Variants in DLGAP4 observed in about 807,000 individuals in gnomAD.
DLGAP4 encodes DLG associated protein 4, also known as disks large-associated protein 4.
Under a neutral mutation model 86.9 loss-of-function variants are expected in DLGAP4, and 18 were observed. The ratio of observed to expected loss-of-function variants is 0.21; its 90% CI spans 0.14 to 0.31. The LOEUF (loss-of-function observed/expected upper bound fraction) is 0.31, where lower values mean the gene tolerates loss of function less well. Ranked by LOEUF, DLGAP4 falls within the 10% of genes least tolerant of loss-of-function variation. The pLI is 1.00. For synonymous variants in DLGAP4, 548 were observed against 574.3 expected, an observed-to-expected ratio of 0.95 and a Z score of 0.65; for missense variants, 1,085 against 1,362.6, an observed-to-expected ratio of 0.80 and a Z score of 3.21.
At chr20:36,452,211 A>G (rs1387531072) in intron 7 of DLGAP4, among the ~76,000 whole-genome samples, 1 of 151,522 alleles carries the variant, frequency 6.6e-6, no homozygotes, top group Non-Finnish European at 1.5e-5. Context: ...CAGGATCTCC[A>G]TGTGTCACCC....
At chr20:36,341,548 G>A (rs1346502436) in intron 1 of DLGAP4, among the ~76,000 whole-genome samples, 3 of 152,238 alleles carry the variant, frequency 2.0e-5, no homozygotes, top group Non-Finnish European at 2.9e-5. Context: ...AGAGAGGTGC[G>A]GTTTCCATCC....
At chr20:36,497,509 C>T in intron 8 of DLGAP4, 1 of 998,884 alleles carries the variant, frequency 1.0e-6, no homozygotes, top group Non-Finnish European at 1.2e-6. Flanking sequence ...AGCATAGACG[C>T]TGTTGGGCCA....
At chr20:36,365,830 A>G (rs1463896003) in intron 1 of DLGAP4, among the ~76,000 whole-genome samples, 2 of 152,162 alleles carry the variant, frequency 1.3e-5, no homozygotes, top group Non-Finnish European at 2.9e-5. Flanking sequence ...TATTCCTCCC[A>G]TCCCAGAGCC....
intron 1 of DLGAP4, among the ~76,000 whole-genome samples, chr20:36,340,887 AGCT>A (rs2065373010): frequency 2.6e-5 from 4 of 152,182 alleles, no homozygotes; most frequent in Non-Finnish European, 4.4e-5. Flanking sequence ...CACCACTCGT[AGCT>A]TTGAGTCAGC....
intron 7 of DLGAP4, among the ~76,000 whole-genome samples, chr20:36,456,891 C>G (rs1026969465): frequency 5.3e-5 from 8 of 152,210 alleles, no homozygotes; most frequent in Non-Finnish European, 1.2e-4. Flanking sequence ...TTAAATAGAA[C>G]CTTGGAGGCC....
chr20:36,478,407 A>C (rs1314290842), intron 7 of DLGAP4, among the ~76,000 whole-genome samples: 1 of 152,236 alleles, frequency 6.6e-6, no homozygotes, highest in African/African-American at 2.4e-5. Flanking sequence ...TTGATGTCAC[A>C]GGTCTCTTTG....
chr20:36,321,839 C>A (rs1555890582), intron 1 of DLGAP4, among the ~76,000 whole-genome samples: 1 of 152,066 alleles, frequency 6.6e-6, no homozygotes. Context: ...ATATACAGAT[C>A]CCCCTCGATC....
At chr20:36,371,378 C>CCCTTTGGGGTGACT (rs2030927524) in intron 2 of DLGAP4, among the ~76,000 whole-genome samples, 1 of 152,220 alleles carries the variant, frequency 6.6e-6, no homozygotes, top group African/African-American at 2.4e-5. Flanking sequence ...ATTATACAGT[C>CCCTTTGGGGTGACT]ACCCAAAGAC....
chr20:36,517,882 A>G (rs2037138077), intron 10 of DLGAP4, among the ~76,000 whole-genome samples: 1 of 152,132 alleles, frequency 6.6e-6, no homozygotes, highest in South Asian at 2.1e-4. Flanking sequence ...CTCTAGCTTC[A>G]AAAATCAGTG....
intron 7 of DLGAP4, among the ~76,000 whole-genome samples, chr20:36,462,938 C>G (rs1356646939): frequency 7.2e-6 from 1 of 139,860 alleles, no homozygotes; most frequent in Admixed American, 8.2e-5. Flanking sequence ...ATCATTTGGA[C>G]GTTTATTTAG....
chr20:36,462,083 CA>C (rs1265247648), intron 7 of DLGAP4: 23 of 992,444 alleles, frequency 2.3e-5, no homozygotes, highest in Non-Finnish European at 2.8e-5. Flanking sequence ...TTCTGCACCC[CA>C]AGTCGCTGGG....
chr20:36,519,708 C>T (rs2037258124), intron 10 of DLGAP4, among the ~76,000 whole-genome samples: 1 of 152,200 alleles, frequency 6.6e-6, no homozygotes, highest in South Asian at 2.1e-4. Flanking sequence ...ATATTCCTAC[C>T]AGTAATGCAC....
intron 2 of DLGAP4, among the ~76,000 whole-genome samples, chr20:36,406,978 G>A (rs924170896): frequency 6.6e-6 from 1 of 152,100 alleles, no homozygotes; most frequent in African/African-American, 2.4e-5. Context: ...GGGGTGTAGG[G>A]GACAGCGGGA....
At chr20:36,503,479 CTTTTTTTTTTTT>C (rs982287997) in intron 10 of DLGAP4, among the ~76,000 whole-genome samples, 3 of 109,906 alleles carry the variant, frequency 2.7e-5, no homozygotes, top group Non-Finnish European at 5.2e-5. Flanking sequence ...CATATATGGC[CTTTTTTTTTTTT>C]TTTTTTTTTT....
Position 36,430,462 on chromosome 20 carries a change from A to G in DLGAP4, c.-72-1184A>G, listed in dbSNP as rs576746570. ...GACATAGGAATTCCTCTGTTAAACA[A>G]TTGGACGGTACTGCCCTCAGACCTG... On this transcript the variant is annotated intron_variant, in intron 2 of 12. Transcript: ENST00000339266. Among the ~76,000 whole-genome samples the G allele has an allele frequency of 4.1e-4, 62 of 152,034 alleles. 1 individual carries two copies. In the South Asian group the frequency reaches 0.012, roughly 30 times the overall value.
rs189510034 is a variant in DLGAP4 at position 36,525,423 on chromosome 20, T to C, written c.2605-428T>C. The C allele has an allele frequency of 1.3e-3, 311 of 237,542 alleles. 1 individual carries two copies. The highest frequency in any genetic ancestry group is 6.7e-3 in the African/African-American group (303 of 45,222). 14.7% of individuals were successfully genotyped at this position (237,542 alleles called of 1,614,324 possible). ...GGAGTGAGTGTTTGTCTCCAAGACCTACAGAGACTTGGGGGTTGCGTTGTC... is the reference window on the plus strand; with the variant it reads ...GGAGTGAGTGTTTGTCTCCAAGACCCACAGAGACTTGGGGGTTGCGTTGTC... On this transcript the variant is annotated intron_variant, in intron 11 of 12. Transcript: ENST00000339266.
At chr20:36,373,342 C>G (rs1050527893) in intron 2 of DLGAP4, among the ~76,000 whole-genome samples, 1 of 152,220 alleles carries the variant, frequency 6.6e-6, no homozygotes, top group Admixed American at 6.5e-5. Context: ...TCATTAAGCT[C>G]TCATGTACAG....
intron 2 of DLGAP4, among the ~76,000 whole-genome samples, chr20:36,402,000 G>GGA (rs1383077262): frequency 6.6e-6 from 1 of 152,228 alleles, no homozygotes; most frequent in Non-Finnish European, 1.5e-5. Context: ...AGAGAAAGCT[G>GGA]GAGACAGTGG....
chr20:36,389,502 C>T (rs1600470801), intron 2 of DLGAP4, among the ~76,000 whole-genome samples: 1 of 152,244 alleles, frequency 6.6e-6, no homozygotes, highest in Non-Finnish European at 1.5e-5. Context: ...CATGGGCTTA[C>T]CTGAGACCTG....
Sources: allele counts gnomAD v4.1 joint callset (sites outside exome capture counted in the v4.1 genomes callset), GRCh38; gene constraint gnomAD v4.1.1; transcripts MANE v1.5; gene names NCBI Gene and HGNC (gene_info 2026-07-23, HGNC 2026-07-21).